Variants in CAT observed in about 807,000 individuals in gnomAD.
The protein encoded by CAT is epididymis secretory sperm binding protein.
In CAT, 43 loss-of-function variants were observed where a neutral mutation model predicts 59.0. The ratio of observed to expected loss-of-function variants is 0.73; its 90% CI spans 0.57 to 0.94. CAT has a LOEUF of 0.94. Ranked by LOEUF, CAT falls within the 40% of genes least tolerant of loss-of-function variation. The pLI, the probability that CAT is intolerant of heterozygous loss-of-function variation, is 0.00. For synonymous variants in CAT, 218 were observed against 230.9 expected (o/e 0.94, Z 0.51); for missense variants, 664 against 682.9 (o/e 0.97, Z 0.31).
rs1174811546 is a variant in CAT at position 34,439,006 on chromosome 11, CG to C, written c.-7del. On this transcript the variant is annotated 5_prime_UTR_variant, in exon 1 of 13. Coordinates refer to ENST00000241052, the MANE Select transcript of CAT (RefSeq NM_001752.4). ...TCCTGCAGTGTTCTGCACAGCAAAC[CG>C]CACGCTATGGCTGACAGCCGGGATC... 1 of 1,586,278 alleles carries C rather than the reference CG, an allele frequency of 6.3e-7. No homozygotes were observed. Among genetic ancestry groups the C allele is most frequent in the Non-Finnish European group, 8.6e-7 (1 of 1,166,254 alleles).
chr11:34,466,284 A>C (rs1408551504), intron 10 of CAT, among the ~76,000 whole-genome samples: 1 of 152,218 alleles, frequency 6.6e-6, no homozygotes, highest in African/African-American at 2.4e-5. Flanking sequence ...TAGAAACTCA[A>C]ATGATTCTAG....
At chr11:34,447,901 T>C (rs1243105992) in intron 1 of CAT, among the ~76,000 whole-genome samples, 1 of 152,220 alleles carries the variant, frequency 6.6e-6, no homozygotes, top group Non-Finnish European at 1.5e-5. Context: ...GAACTGGAAG[T>C]TGGACCCAGG....
chr11:34,453,967 C>A, intron 6 of CAT, 41 bp downstream of exon 6: 1 of 1,602,250 alleles, frequency 6.2e-7, no homozygotes. Flanking sequence ...AGGCTCCTAC[C>A]GCATACCTCC....
intron 1 of CAT, among the ~76,000 whole-genome samples, chr11:34,442,396 G>A (rs1161010971): frequency 1.3e-5 from 2 of 152,178 alleles, no homozygotes; most frequent in East Asian, 3.8e-4. Context: ...GAGGTCAGGA[G>A]TTCAAAACTA....
intron 1 of CAT, among the ~76,000 whole-genome samples, chr11:34,440,736 T>C (rs1323698105): frequency 6.6e-6 from 1 of 152,090 alleles, no homozygotes; most frequent in Non-Finnish European, 1.5e-5. Context: ...CTAATTTTTG[T>C]ATTTTTAGTA....
intron 8 of CAT, among the ~76,000 whole-genome samples, chr11:34,460,251 AG>A (rs1487209494): frequency 1.3e-5 from 2 of 152,178 alleles, no homozygotes; most frequent in Non-Finnish European, 2.9e-5. Context: ...ATTAACTGAA[AG>A]AAATTTCAAG....
At position 34,464,448 on chromosome 11, in the gene CAT, C is replaced by T. The variant is rs1008866443; in HGVS notation, c.1326+213C>T. Among the ~76,000 whole-genome samples, 4 of 152,138 alleles carry T rather than the reference C, an allele frequency of 2.6e-5. No individual in the cohort carries two copies. The South Asian group carries it at 6.2e-4, about 24-fold the overall frequency. On this transcript the variant is annotated intron_variant, in intron 10 of 12. Transcript: ENST00000241052. The stretch of plus-strand genomic sequence containing the variant: ...CTTTTGCCTCAAAGCATGCAGACTC[C>T]GTCTCAGTTTCTTCAAACTTTATTG...
At chr11:34,443,571 CTT>C (rs34138762) in intron 1 of CAT, among the ~76,000 whole-genome samples, 37 of 145,676 alleles carry the variant, frequency 2.5e-4, no homozygotes, top group African/African-American at 2.0e-4. Context: ...AACCCATTTC[CTT>C]TTTTTTTTTT....
intron 1 of CAT, among the ~76,000 whole-genome samples, chr11:34,446,432 C>T (rs1235955421): frequency 6.6e-6 from 1 of 152,160 alleles, no homozygotes; most frequent in Non-Finnish European, 1.5e-5. Flanking sequence ...GGAGGGAGGA[C>T]TGCCATAATT....
At chr11:34,468,262 C>T (rs1856741189) in intron 10 of CAT, 26 bp from the exon 11 acceptor site, 1 of 1,526,436 alleles carries the variant, frequency 6.6e-7, no homozygotes. Flanking sequence ...ATTCAATTCT[C>T]TGCACTTGCT....
Position 34,471,386 on chromosome 11 carries a change from G to C in CAT, c.1537G>C (p.Val513Leu). 6.2e-7 allele frequency: 1 copy of C among 1,613,972 alleles called. No individual in the cohort carries two copies. Among genetic ancestry groups the C allele is most frequent in the East Asian group, 2.2e-5 (1 of 44,890 alleles). The change falls in exon 13 of 13, where the codon GTG becomes CTG. Residue 513 changes from valine (V) to leucine (L), a missense_variant. Coordinates refer to ENST00000241052, the MANE Select transcript of CAT (RefSeq NM_001752.4). ...AAAACAGAATGCGATTCACACCTTT[G>C]TGCAGTCCGGATCTCACTTGGCGGC... Reference protein sequence around the residue: ...EKPKNAIHTFVQSGSHLAARE... With the variant: ...EKPKNAIHTFLQSGSHLAARE...
At position 34,471,773 on chromosome 11, in the gene CAT, C is replaced by A; in HGVS notation, c.*340C>A. On this transcript the variant is annotated 3_prime_UTR_variant, in exon 13 of 13. Transcript: ENST00000241052. Reference sequence around the variant, plus strand: ...GTATGTTTACATATCACCTCATGGCCTATTATATTAAAATATGGCTATAAA... The same window carrying A: ...GTATGTTTACATATCACCTCATGGCATATTATATTAAAATATGGCTATAAA... The A allele has an allele frequency of 3.5e-6, 1 of 282,516 alleles. No individual in the cohort carries two copies. The highest frequency in any genetic ancestry group is 4.1e-5 in the South Asian group (1 of 24,230). 17.5% of individuals were successfully genotyped at this position (282,516 alleles called of 1,614,324 possible).
intron 6 of CAT, among the ~76,000 whole-genome samples, chr11:34,454,711 A>G (rs1467610479): frequency 6.6e-6 from 1 of 152,254 alleles, no homozygotes; most frequent in Non-Finnish European, 1.5e-5. Context: ...GAAAAATTTT[A>G]TGAAACAGTT....
chr11:34,453,898 A>T lies in CAT; in HGVS notation c.683A>T (p.Glu228Val). 6.2e-7 allele frequency: 1 copy of T among 1,613,916 alleles called. No homozygotes were observed. Among genetic ancestry groups the T allele is most frequent in the Non-Finnish European group, 8.5e-7 (1 of 1,179,852 alleles). Residue 228 changes from glutamate to valine, a missense_variant, in exon 6 of 13, where the codon GAG (glutamate) becomes GTG (valine). By Grantham distance (121) the Glu-to-Val change is moderately radical (BLOSUM62 -2). Coordinates refer to ENST00000241052, the MANE Select transcript of CAT (RefSeq NM_001752.4). ...HTFKLVNANG[E>V]AVYCKFHYKT... is the part of the protein sequence containing the mutation. ...TTCAAGCTGGTTAATGCAAATGGGGAGGCAGTTTATTGCAAATTCCATTAT... is the reference window on the plus strand; with the variant it reads ...TTCAAGCTGGTTAATGCAAATGGGGTGGCAGTTTATTGCAAATTCCATTAT...
intron 8 of CAT, among the ~76,000 whole-genome samples, chr11:34,458,089 A>G (rs541837609): frequency 2.4e-4 from 36 of 152,380 alleles, no homozygotes; most frequent in African/African-American, 7.9e-4. Flanking sequence ...TCCAGAAAGC[A>G]AAATTTTGTC....
At chr11:34,461,163 ACTT>A in intron 8 of CAT, 85 bp from the exon 9 acceptor site, 1 of 1,415,460 alleles carries the variant, frequency 7.1e-7, no homozygotes, top group Non-Finnish European at 1.0e-6. Context: ...AGTGCTTTGT[ACTT>A]CAAATTTCAG....
At chr11:34,459,928 T>A (rs991968749) in intron 8 of CAT, among the ~76,000 whole-genome samples, 2 of 152,230 alleles carry the variant, frequency 1.3e-5, no homozygotes, top group Non-Finnish European at 2.9e-5. Context: ...AAATATGACC[T>A]TAGGCTATTT....
At chr11:34,462,751 C>CTGAA (rs1351289598) in intron 9 of CAT, among the ~76,000 whole-genome samples, 1 of 152,146 alleles carries the variant, frequency 6.6e-6, no homozygotes, top group Non-Finnish European at 1.5e-5. Context: ...GGCTGTGACC[C>CTGAA]TGAAGCTCAG....
At chr11:34,440,672 C>T (rs1329256930) in intron 1 of CAT, among the ~76,000 whole-genome samples, 1 of 151,514 alleles carries the variant, frequency 6.6e-6, no homozygotes, top group Non-Finnish European at 1.5e-5. Flanking sequence ...AAGCAATTCT[C>T]CTGCCTCAGC....
Sources: allele counts gnomAD v4.1 joint callset (sites outside exome capture counted in the v4.1 genomes callset), GRCh38; gene constraint gnomAD v4.1.1; transcripts MANE v1.5; gene names NCBI Gene and HGNC (gene_info 2026-07-23, HGNC 2026-07-21).